Variants in FMN1 observed in about 807,000 individuals in gnomAD.
The protein encoded by FMN1 is formin-1.
Under a neutral mutation model 132.4 loss-of-function variants are expected in FMN1, and 110 were observed. That is an observed-to-expected ratio of 0.83 (90% CI 0.71 to 0.97). The LOEUF is 0.97. FMN1 is among the 50% of genes least tolerant of loss of function. The pLI, the probability that FMN1 is intolerant of heterozygous loss-of-function variation, is 0.00. For synonymous variants in FMN1, 722 were observed against 651.7 expected (o/e 1.11, Z -1.64); for missense variants, 1,792 against 1,705.3 (o/e 1.05, Z -0.90).
chr15:32,797,001 A>G (rs921857949), intron 19 of FMN1, among the ~76,000 whole-genome samples: 1 of 152,182 alleles, frequency 6.6e-6, no homozygotes, highest in Non-Finnish European at 1.5e-5. Context: ...ATGACCCTGT[A>G]AAGGGGTTGG....
intron 7 of FMN1, among the ~76,000 whole-genome samples, chr15:32,974,186 C>T (rs2140706119): frequency 6.6e-6 from 1 of 152,244 alleles, no homozygotes. Flanking sequence ...GACCAATGTT[C>T]TTTAGGACAT....
intron 10 of FMN1, among the ~76,000 whole-genome samples, chr15:32,917,124 G>A (rs1226052721): frequency 6.6e-6 from 1 of 152,120 alleles, no homozygotes; most frequent in Non-Finnish European, 1.5e-5. Context: ...CCAAGTCTAT[G>A]AAAAAAACTG....
chr15:33,104,856 G>A (rs1033109382), intron 4 of FMN1, among the ~76,000 whole-genome samples: 3 of 152,112 alleles, frequency 2.0e-5, no homozygotes, highest in Admixed American at 6.6e-5. Context: ...TCATTTCTAT[G>A]TTAAAAACAA....
At chr15:32,866,586 T>C (rs991167941) in intron 16 of FMN1, among the ~76,000 whole-genome samples, 1 of 152,192 alleles carries the variant, frequency 6.6e-6, no homozygotes, top group African/African-American at 2.4e-5. Flanking sequence ...CTAATGTTTG[T>C]GTGTTTAATA....
At chr15:33,006,694 A>C (rs967577927) in intron 7 of FMN1, among the ~76,000 whole-genome samples, 5 of 152,226 alleles carry the variant, frequency 3.3e-5, no homozygotes, top group African/African-American at 1.2e-4. Flanking sequence ...CACAAAATGG[A>C]ATACTCTAGT....
chr15:32,928,005 C>G (rs1314918796), intron 9 of FMN1, among the ~76,000 whole-genome samples: 1 of 152,182 alleles, frequency 6.6e-6, no homozygotes, highest in Non-Finnish European at 1.5e-5. Flanking sequence ...TAAGGGACAA[C>G]AATAGTTTGT....
At chr15:33,012,551 G>C (rs952660380) in intron 6 of FMN1, 3 of 1,526,452 alleles carry the variant, frequency 2.0e-6, no homozygotes, top group African/African-American at 2.7e-5. Context: ...GGCAAGAAAA[G>C]GGGCTTTGCC....
At position 32,888,208 on chromosome 15, in the gene FMN1, T is replaced by C; in HGVS notation, c.3799A>G (p.Ile1267Val). The C allele has an allele frequency of 1.2e-6, 2 of 1,612,628 alleles. No homozygotes were observed. The highest frequency in any genetic ancestry group is 2.2e-5 in the South Asian group (2 of 90,874). Residue 1267 changes from isoleucine (I) to valine (V), a missense_variant, in exon 16 of 21, where the codon ATA becomes GTA. By Grantham distance (29) the Ile-to-Val change is conservative. Transcript: ENST00000616417. ...LASQVKFEDL[I>V]KDLRKLKRQL... Reference sequence around the variant, plus strand: ...CTCTTCAGTTTTCTCAAATCTTTTATGAGGTCTTCAAACTTGACTTGGGAG... The same window carrying C: ...CTCTTCAGTTTTCTCAAATCTTTTACGAGGTCTTCAAACTTGACTTGGGAG...
chr15:33,081,487 G>A (rs989450723), intron 5 of FMN1, among the ~76,000 whole-genome samples: 1 of 152,114 alleles, frequency 6.6e-6, no homozygotes, highest in African/African-American at 2.4e-5. Flanking sequence ...CATATTAGTA[G>A]CTGCAGAATT....
chr15:33,067,777 T>C, intron 5 of FMN1: 3 of 1,613,954 alleles, frequency 1.9e-6, no homozygotes, highest in Non-Finnish European at 2.5e-6. Context: ...CAAATAGGGA[T>C]TTCATAGAGA....
chr15:32,807,491 A>G (rs1278978779), intron 17 of FMN1, among the ~76,000 whole-genome samples: 2 of 152,232 alleles, frequency 1.3e-5, no homozygotes, highest in African/African-American at 4.8e-5. Context: ...AGTTATGTGC[A>G]TAGCCAAACA....
chr15:33,116,754 CTTT>C (rs11346902), intron 4 of FMN1, among the ~76,000 whole-genome samples: 1 of 151,486 alleles, frequency 6.6e-6, no homozygotes, highest in African/African-American at 2.4e-5. Flanking sequence ...CTAGATATGG[CTTT>C]TTTTTCCCTC....
At chr15:32,910,638 G>A (rs563782092) in intron 10 of FMN1, 103 bp from the exon 11 acceptor site, 37 of 860,582 alleles carry the variant, frequency 4.3e-5, no homozygotes, top group African/African-American at 6.7e-5. Flanking sequence ...AGAGTATTGC[G>A]TTTTCTTACA....
chr15:32,840,507 C>T (rs1441424964), intron 17 of FMN1, among the ~76,000 whole-genome samples: 1 of 152,182 alleles, frequency 6.6e-6, no homozygotes, highest in Non-Finnish European at 1.5e-5. Context: ...TAACTGCGTA[C>T]AAATGACTAA....
Position 33,182,930 on chromosome 15 carries a change from C to A in FMN1, c.-196-2668G>T, listed in dbSNP as rs77334060. Among the ~76,000 whole-genome samples the A allele has an allele frequency of 7.2e-3, 1,103 of 152,270 alleles. 30 individuals carry two copies. In the East Asian group the frequency reaches 0.088, roughly 12 times the overall value. On this transcript the variant is annotated intron_variant, in intron 2 of 20. Coordinates refer to ENST00000616417, the MANE Select transcript of FMN1 (RefSeq NM_001277313.2). ...TTTCATTTAATTTCCCCATTGTTAA[C>A]CACTTTTTACAGACAGGAAACTGGG...
intron 16 of FMN1, among the ~76,000 whole-genome samples, chr15:32,862,895 C>G (rs2059305613): frequency 6.6e-6 from 1 of 152,170 alleles, no homozygotes; most frequent in Non-Finnish European, 1.5e-5. Context: ...TTACCTAAGT[C>G]TTACCCCACC....
At chr15:32,856,986 G>T in intron 17 of FMN1, 29 bp downstream of exon 17, 1 of 1,490,650 alleles carries the variant, frequency 6.7e-7, no homozygotes, top group Non-Finnish European at 9.4e-7. Flanking sequence ...TCAGGGCCAC[G>T]TGTATGTGCG....
At chr15:33,081,255 G>A (rs1052966278) in intron 5 of FMN1, among the ~76,000 whole-genome samples, 4 of 152,124 alleles carry the variant, frequency 2.6e-5, no homozygotes, top group Non-Finnish European at 4.4e-5. Flanking sequence ...GGTTTGGCAG[G>A]CAGCAAACGG....
intron 6 of FMN1, among the ~76,000 whole-genome samples, chr15:33,041,912 AGT>A (rs758054392): frequency 1.1e-4 from 17 of 151,082 alleles, no homozygotes; most frequent in African/African-American, 3.2e-4. Context: ...TAAATTTCAC[AGT>A]GTTTTTTTTC....
Sources: allele counts gnomAD v4.1 joint callset (sites outside exome capture counted in the v4.1 genomes callset), GRCh38; gene constraint gnomAD v4.1.1; transcripts MANE v1.5; gene names NCBI Gene and HGNC (gene_info 2026-07-23, HGNC 2026-07-21).